The following IVNS1ABP variants were observed in gnomAD, a reference collection of about 807,000 sequenced individuals.
The protein encoded by IVNS1ABP is influenza virus NS1A-binding protein.
Under a neutral mutation model 78.9 loss-of-function variants are expected in IVNS1ABP, and 25 were observed. That is an observed-to-expected ratio of 0.32 (90% CI 0.23 to 0.44). IVNS1ABP has a LOEUF of 0.44. Among genes scored for constraint, IVNS1ABP ranks in the 20% least tolerant of loss-of-function variants. IVNS1ABP has a pLI of 1.00. For missense variants in IVNS1ABP, 494 were observed against 768.9 expected, an observed-to-expected ratio of 0.64 and a Z score of 4.23; for synonymous variants, 241 against 259.7, an observed-to-expected ratio of 0.93 and a Z score of 0.69.
chr1:185,298,185 A>C lies in IVNS1ABP; in HGVS notation c.1779T>G (p.Thr593=). The change falls in exon 15 of 15, where the codon ACT becomes ACG. Residue 593 remains threonine, a synonymous_variant. Transcript: ENST00000367498. This position sits in a 1 kb window ranked among gnomAD's most constrained non-coding sequence, Gnocchi z 4.1. The part of the protein sequence containing the change: ...RNEWKMMGNM[T]SPRSNAGIAT... ...CAATCCCAGCATTGCTCCTTGGTGAAGTCATATTTCCCATCATCTTCCATT... is the reference window on the plus strand; with the variant it reads ...CAATCCCAGCATTGCTCCTTGGTGACGTCATATTTCCCATCATCTTCCATT... The C allele has an allele frequency of 6.2e-7, 1 of 1,613,848 alleles. No homozygotes were observed. Among genetic ancestry groups the C allele is most frequent in the Non-Finnish European group, 8.5e-7 (1 of 1,179,830 alleles).
intron 5 of IVNS1ABP, 127 bp from the exon 6 acceptor site, chr1:185,307,789 T>C: frequency 1.7e-6 from 2 of 1,191,792 alleles, no homozygotes; most frequent in Non-Finnish European, 2.3e-6. Context: ...ATACAACAAA[T>C]GTTAATAGTG....
At chr1:185,314,240 CTCAT>C (rs1665957193) in intron 1 of IVNS1ABP, among the ~76,000 whole-genome samples, 1 of 152,200 alleles carries the variant, frequency 6.6e-6, no homozygotes, top group Non-Finnish European at 1.5e-5. Flanking sequence ...ACTCGCTGAA[CTCAT>C]TCATTCTATC....
rs201207673 is a variant in IVNS1ABP, at chr1:185,298,061, G to T, written c.1903C>A (p.Pro635Thr). Residue 635 changes from proline (P) to threonine (T), a missense_variant, in exon 15 of 15, where the codon CCC becomes ACC. Transcript: ENST00000367498. This position sits in a 1 kb window ranked among gnomAD's most constrained non-coding sequence, Gnocchi z 4.1. Reference sequence around the variant, plus strand: ...TAAAACTGGAAAATCTTTGTATAGGGGCTCCATTCATTTGACTCAAGGTTA... The same window carrying T: ...TAAAACTGGAAAATCTTTGTATAGGTGCTCCATTCATTTGACTCAAGGTTA... The part of the protein sequence containing the change: ...VYNLESNEWS[P>T]YTKIFQF 1,489 of 1,613,450 alleles carry T rather than the reference G, an allele frequency of 9.2e-4. 2 individuals are homozygous for T. The highest frequency in any genetic ancestry group is 1.1e-3 in the Non-Finnish European group (1,272 of 1,179,676).
At chr1:185,307,181 C>A in intron 6 of IVNS1ABP, 42 bp from the exon 7 acceptor site, 1 of 1,600,990 alleles carries the variant, frequency 6.2e-7, no homozygotes, top group Non-Finnish European at 8.5e-7. Flanking sequence ...GTGTTGGGCT[C>A]CTAGTTCTCA....
At chr1:185,301,361 G>C (rs1432347129) in intron 9 of IVNS1ABP, 73 bp downstream of exon 9, 4 of 1,520,786 alleles carry the variant, frequency 2.6e-6, no homozygotes, top group Non-Finnish European at 3.6e-6. Context: ...CAATTTAAGA[G>C]GTATTAAATT....
chr1:185,300,921 C>T (rs749387144), intron 10 of IVNS1ABP, 51 bp downstream of exon 10: 3 of 1,430,904 alleles, frequency 2.1e-6, no homozygotes, highest in Non-Finnish European at 2.9e-6. Context: ...GTTTGCATGT[C>T]ACAAAAATGC....
At chr1:185,316,212 G>A (rs1666014796) in intron 1 of IVNS1ABP, among the ~76,000 whole-genome samples, 1 of 152,118 alleles carries the variant, frequency 6.6e-6, no homozygotes, top group South Asian at 2.1e-4. Flanking sequence ...CAGCCAGGCC[G>A]GCGCCCACTC....
intron 6 of IVNS1ABP, 112 bp downstream of exon 6, chr1:185,307,377 T>C (rs1427775566): frequency 8.6e-5 from 82 of 955,712 alleles, no homozygotes; most frequent in Non-Finnish European, 2.0e-5. Flanking sequence ...AGAATAACAA[T>C]ATAATTTCAA....
intron 8 of IVNS1ABP, among the ~76,000 whole-genome samples, chr1:185,303,183 T>TATAATTAAA (rs1665645765): frequency 6.6e-6 from 1 of 152,074 alleles, no homozygotes; most frequent in Non-Finnish European, 1.5e-5. Flanking sequence ...TGTTCTAATG[T>TATAATTAAA]ACAAACTATA....
chr1:185,301,916 A>T (rs1665612407), intron 8 of IVNS1ABP, among the ~76,000 whole-genome samples: 1 of 152,206 alleles, frequency 6.6e-6, no homozygotes, highest in Admixed American at 6.6e-5. Flanking sequence ...TAAATTTAAA[A>T]TAGTGTGAAT....
chr1:185,298,339 T>C lies in IVNS1ABP; in HGVS notation c.1676-51A>G. 1 of 1,516,724 alleles carries C rather than the reference T, an allele frequency of 6.6e-7. No homozygotes were observed. The highest frequency in any genetic ancestry group is 9.0e-7 in the Non-Finnish European group (1 of 1,108,970). The allele number at this position is 1,516,724 out of a possible 1,614,324, so 94.0% of individuals were successfully genotyped here. On this transcript the variant is annotated intron_variant, in intron 14 of 14. Coordinates refer to ENST00000367498, the MANE Select transcript of IVNS1ABP (RefSeq NM_006469.5). This position sits in a 1 kb window ranked among gnomAD's most constrained non-coding sequence, Gnocchi z 4.1. The stretch of plus-strand genomic sequence containing the variant: ...ATCCAGAGATTAAAGTGTAATAAGG[T>C]AAAACTCCCCTAAATCTGTCTTTTG...
chr1:185,316,060 C>T (rs1184207063), intron 1 of IVNS1ABP, among the ~76,000 whole-genome samples: 1 of 152,182 alleles, frequency 6.6e-6, no homozygotes, highest in African/African-American at 2.4e-5. Flanking sequence ...TAGGTTCAAC[C>T]CTCAGCCTGA....
rs1666053855 is a variant in IVNS1ABP, at chr1:185,317,043, C to G, written c.-337G>C. On this transcript the variant is annotated 5_prime_UTR_variant, in exon 1 of 15. Transcript: ENST00000367498. The stretch of plus-strand genomic sequence containing the variant: ...GGGCGGGAATCGGCCCAACGGAAAG[C>G]GCCAGAAGGCGGCGGAAGACGGGAG... 1 of 398,876 alleles carries G rather than the reference C, an allele frequency of 2.5e-6. No homozygotes were observed. The highest frequency in any genetic ancestry group is 4.4e-5 in the Admixed American group (1 of 22,696). 24.7% of individuals were successfully genotyped at this position (398,876 alleles called of 1,614,324 possible).
chr1:185,314,751 T>C (rs1347594599), intron 1 of IVNS1ABP, among the ~76,000 whole-genome samples: 1 of 152,208 alleles, frequency 6.6e-6, no homozygotes, highest in East Asian at 1.9e-4. Context: ...CTTAGATATG[T>C]GGCATCCTTA....
At chr1:185,304,939 TA>T (rs1166284121) in intron 8 of IVNS1ABP, among the ~76,000 whole-genome samples, 7 of 152,172 alleles carry the variant, frequency 4.6e-5, no homozygotes, top group African/African-American at 1.7e-4. Flanking sequence ...TGTTTACTCA[TA>T]GGGGAAAAAT....
At chr1:185,314,221 T>C (rs962725344) in intron 1 of IVNS1ABP, among the ~76,000 whole-genome samples, 4 of 152,214 alleles carry the variant, frequency 2.6e-5, no homozygotes, top group Non-Finnish European at 5.9e-5. Context: ...ACCATCCATG[T>C]ATATGAAAAC....
chr1:185,307,552 A>G lies in IVNS1ABP; in HGVS notation c.468T>C (p.Tyr156=), dbSNP rs1665770894. The change falls in exon 6 of 15, where the codon TAT becomes TAC. Residue 156 remains tyrosine (Y), a synonymous_variant. Transcript: ENST00000367498. ...AAATTTGTAACAAATGCTCCTGAAT[A>G]TAAGCATCAACCTTATTCAACAAAC... The part of the protein sequence containing the change: ...DSRLLNKVDA[Y]IQEHLLQISE... The G allele has an allele frequency of 1.9e-6, 3 of 1,613,628 alleles. No individual in the cohort carries two copies. Among genetic ancestry groups the G allele is most frequent in the South Asian group, 1.1e-5 (1 of 91,066 alleles).
At chr1:185,310,987 ACTTCT>A (rs996357553) in intron 2 of IVNS1ABP, 103 bp downstream of exon 2, 1 of 262,706 alleles carries the variant, frequency 3.8e-6, no homozygotes, top group Non-Finnish European at 7.1e-6. Flanking sequence ...ATGATTACTG[ACTTCT>A]CTGCCTTTAA....
At position 185,306,360 on chromosome 1, in the gene IVNS1ABP, C is replaced by T. The variant is rs542546247; in HGVS notation, c.657+654G>A. 1.0e-4 allele frequency: 78 copies of T among 753,624 alleles called. 2 individuals are homozygous for T. The South Asian group carries it at 1.3e-3, about 13-fold the overall frequency. The allele number at this position is 753,624 out of a possible 1,614,324, so 46.7% of individuals were successfully genotyped here. On this transcript the variant is annotated intron_variant, in intron 7 of 14. Transcript: ENST00000367498. ...GTGTTTTCAATTCCCACCATTTCTC[C>T]ATCAATTTTATCTTGTGTATTTTTT...
Sources: allele counts gnomAD v4.1 joint callset (sites outside exome capture counted in the v4.1 genomes callset), GRCh38; gene constraint gnomAD v4.1.1; non-coding constraint Gnocchi (gnomAD v3.1); transcripts MANE v1.5; gene names NCBI Gene and HGNC (gene_info 2026-07-23, HGNC 2026-07-21).